DNAJC11: variants seen among roughly 807,000 people sequenced by gnomAD.
The protein encoded by DNAJC11 is DnaJ heat shock protein family (Hsp40) member C11.
In DNAJC11, 15 loss-of-function variants were observed where a neutral mutation model predicts 78.6. That is an observed-to-expected ratio of 0.19 (90% CI 0.13 to 0.29). The LOEUF (loss-of-function observed/expected upper bound fraction) is 0.29, where lower values mean the gene tolerates loss of function less well. Among genes scored for constraint, DNAJC11 ranks in the 10% least tolerant of loss-of-function variants. The pLI, the probability that DNAJC11 is intolerant of heterozygous loss-of-function variation, is 1.00. For synonymous variants in DNAJC11, 292 were observed against 272.1 expected (o/e 1.07, Z -0.72); for missense variants, 547 against 709.6 (o/e 0.77, Z 2.60).
At position 6,643,401 on chromosome 1, in the gene DNAJC11, A is replaced by G. The variant is rs1352311465; in HGVS notation, c.1097+1157T>C. On this transcript the variant is annotated intron_variant, in intron 10 of 15. Coordinates refer to ENST00000377577, the MANE Select transcript of DNAJC11 (RefSeq NM_018198.4). ...CACCATTCTCCTGCCTCAGCCTCCC[A>G]AGTAGCAGAGACTACAGGCGCCCGC... Among the ~76,000 whole-genome samples the G allele has an allele frequency of 4.0e-5, 6 of 150,296 alleles. No homozygotes were observed. The East Asian group carries it at 9.8e-4, about 25-fold the overall frequency.
At chr1:6,672,354 C>T (rs1642393516) in intron 3 of DNAJC11, among the ~76,000 whole-genome samples, 1 of 152,022 alleles carries the variant, frequency 6.6e-6, no homozygotes, top group Non-Finnish European at 1.5e-5. Flanking sequence ...GAAAACAAAG[C>T]CTGGAAAGTG....
At chr1:6,669,787 C>A (rs1642349858) in intron 3 of DNAJC11, among the ~76,000 whole-genome samples, 1 of 151,872 alleles carries the variant, frequency 6.6e-6, no homozygotes, top group African/African-American at 2.4e-5. Context: ...CTTTTTCTAT[C>A]ACGACCAAAG....
In DNAJC11 at chr1:6,699,167, G is replaced by A. The variant is rs142409382; in HGVS notation, c.72+2562C>T. Reference sequence around the variant, plus strand: ...ATACAAAAATTAGCTGGGTATGGTGGCATGTGCCTGTGGTCCTAGCTACTA... The same window carrying A: ...ATACAAAAATTAGCTGGGTATGGTGACATGTGCCTGTGGTCCTAGCTACTA... On this transcript the variant is annotated intron_variant, in intron 1 of 15. Coordinates refer to ENST00000377577, the MANE Select transcript of DNAJC11 (RefSeq NM_018198.4). Among the ~76,000 whole-genome samples, 1,102 of 151,736 alleles carry A rather than the reference G, an allele frequency of 7.3e-3. 18 individuals carry two copies. The highest frequency in any genetic ancestry group is 0.036 in the Admixed American group (554 of 15,210).
intron 1 of DNAJC11, among the ~76,000 whole-genome samples, chr1:6,697,404 G>A (rs931424240): frequency 6.6e-6 from 1 of 152,184 alleles, no homozygotes; most frequent in Non-Finnish European, 1.5e-5. Context: ...GAATGAAACT[G>A]TTCCACCTGG....
chr1:6,652,885 C>G lies in DNAJC11; in HGVS notation c.574G>C (p.Gly192Arg), dbSNP rs1188402871. 6.2e-7 allele frequency: 1 copy of G among 1,614,188 alleles called. No individual in the cohort carries two copies. Among genetic ancestry groups the G allele is most frequent in the Admixed American group, 1.7e-5 (1 of 60,016 alleles). ...CTGAGCGCAAAGTTAATGGAACCTCCTCCATTTCCATTCTGGGTTGAGAGG... is the reference window on the plus strand; with the variant it reads ...CTGAGCGCAAAGTTAATGGAACCTCGTCCATTTCCATTCTGGGTTGAGAGG... ...GSLSTQNGNG[G>R]GSINFALRRV... Residue 192 changes from glycine (G) to arginine (R), a missense_variant, in exon 6 of 16, where the codon GGA becomes CGA. Physicochemically the swap from Gly to Arg is moderately radical, Grantham distance 125. Coordinates refer to ENST00000377577, the MANE Select transcript of DNAJC11 (RefSeq NM_018198.4).
chr1:6,662,792 A>G (rs6671667), intron 4 of DNAJC11, among the ~76,000 whole-genome samples: 55,299 of 151,360 alleles, frequency 0.37, 10,444 homozygotes, highest in African/African-American at 0.43. Flanking sequence ...AGCAGGACAT[A>G]GGCAGGGACA....
intron 4 of DNAJC11, among the ~76,000 whole-genome samples, chr1:6,662,587 T>C (rs545152155): frequency 5.3e-5 from 8 of 152,046 alleles, no homozygotes; most frequent in African/African-American, 1.7e-4. Context: ...CGCTAGAGGG[T>C]TGTAAATGTA....
At position 6,667,829 on chromosome 1, in the gene DNAJC11, T is replaced by C. The variant is rs376027555; in HGVS notation, c.277-19A>G. The C allele has an allele frequency of 1.1e-5, 17 of 1,610,808 alleles. No individual in the cohort carries two copies. The highest frequency in any genetic ancestry group is 6.6e-5 in the South Asian group (6 of 90,996). On this transcript the variant is annotated intron_variant, in intron 3 of 15. Coordinates refer to ENST00000377577, the MANE Select transcript of DNAJC11 (RefSeq NM_018198.4). ...CCACAACCTATGCACAGAATCAAGA[T>C]GGGAAGACAGTTGAGGACCCAGGAG...
chr1:6,638,329 T>G lies in DNAJC11; in HGVS notation c.1289A>C (p.Asp430Ala), dbSNP rs757910644. ...LEKQRESAAT[D>A]VLQKKQEAES... ...CGCCTCTTGCTTCTTCTGCAGCACA[T>G]CGGTGGCGGCGCTTTCCCTCTGCTT... The change falls in exon 12 of 16, where the codon GAT becomes GCT. Residue 430 changes from aspartate (D) to alanine (A), a missense_variant. Asp to Ala is a moderately radical substitution (Grantham distance 126). Transcript: ENST00000377577. The G allele has an allele frequency of 6.2e-6, 10 of 1,613,624 alleles. No homozygotes were observed. The highest frequency in any genetic ancestry group is 8.5e-6 in the Non-Finnish European group (10 of 1,179,720).
intron 1 of DNAJC11, among the ~76,000 whole-genome samples, chr1:6,692,140 A>G (rs111860259): frequency 0.013 from 2,054 of 152,372 alleles, 23 homozygotes; most frequent in South Asian, 0.027. Context: ...GTGTTTTGGT[A>G]GATAATGCAA....
In DNAJC11 at chr1:6,634,498, C is replaced by G. The variant is rs1182550310; in HGVS notation, c.*1177G>C. The G allele has an allele frequency of 7.4e-7, 1 of 1,344,408 alleles. No individual in the cohort carries two copies. Among genetic ancestry groups the G allele is most frequent in the African/African-American group, 1.5e-5 (1 of 67,550 alleles). The allele number at this position is 1,344,408 out of a possible 1,614,324, so 83.3% of individuals were successfully genotyped here. A position where few individuals can be genotyped will look rare whatever the true frequency, so the allele number is the denominator to read the frequency against. On this transcript the variant is annotated 3_prime_UTR_variant, in exon 16 of 16. Coordinates refer to ENST00000377577, the MANE Select transcript of DNAJC11 (RefSeq NM_018198.4). Reference sequence around the variant, plus strand: ...GCTGTGGGTGGGCTGGAGGCCGGCGCAGCTTGGGGCCCCCCGCGCCAGCTG... The same window carrying G: ...GCTGTGGGTGGGCTGGAGGCCGGCGGAGCTTGGGGCCCCCCGCGCCAGCTG...
At chr1:6,667,656 A>C in intron 4 of DNAJC11, 53 bp downstream of exon 4, 2 of 1,453,096 alleles carry the variant, frequency 1.4e-6, no homozygotes, top group Non-Finnish European at 1.9e-6. Flanking sequence ...CCTGGCTTCT[A>C]GTTATGAGGC....
rs1642822095 is a variant in DNAJC11, at chr1:6,695,627, T to TTAAAA, written c.72+6101_72+6102insTTTTA. Among the ~76,000 whole-genome samples, 12 of 83,010 alleles carry TTAAAA rather than the reference T, an allele frequency of 1.4e-4. No homozygotes were observed. The South Asian group carries it at 4.0e-3, about 28-fold the overall frequency. 54.5% of individuals were successfully genotyped at this position (83,010 alleles called of 152,430 possible). ...CAACATAGTGAAACCCTATCTCTAC[T>TTAAAA]AAAAAAAAAAAAAAAAAAAAAAAAA... On this transcript the variant is annotated intron_variant, in intron 1 of 15. Coordinates refer to ENST00000377577, the MANE Select transcript of DNAJC11 (RefSeq NM_018198.4).
chr1:6,650,216 T>C (rs1642033953), intron 7 of DNAJC11, among the ~76,000 whole-genome samples: 2 of 151,796 alleles, frequency 1.3e-5, no homozygotes, highest in African/African-American at 4.8e-5. Context: ...TGAGCCAAGA[T>C]TGCATCACTA....
intron 4 of DNAJC11, among the ~76,000 whole-genome samples, chr1:6,666,492 T>C (rs1642297071): frequency 6.6e-6 from 1 of 151,438 alleles, no homozygotes; most frequent in African/African-American, 2.4e-5. Flanking sequence ...GTTCAAGCTA[T>C]TCTCCTGTCT....
intron 1 of DNAJC11, among the ~76,000 whole-genome samples, chr1:6,698,953 T>A (rs966664654): frequency 3.4e-5 from 5 of 147,606 alleles, no homozygotes; most frequent in African/African-American, 1.2e-4. Flanking sequence ...ATATATATAT[T>A]TATATATAAA....
Position 6,655,088 on chromosome 1 carries a change from C to T in DNAJC11, c.379-1049G>A, listed in dbSNP as rs578237391. Among the ~76,000 whole-genome samples the T allele has an allele frequency of 4.4e-4, 67 of 152,298 alleles. No homozygotes were observed. The South Asian group carries it at 6.6e-3, about 15-fold the overall frequency. Reference sequence around the variant, plus strand: ...CTGAGATTACAGGTGTGAGCCACCGCGCCCAGCTGGTGCTAGCTTTCTATC... The same window carrying T: ...CTGAGATTACAGGTGTGAGCCACCGTGCCCAGCTGGTGCTAGCTTTCTATC... On this transcript the variant is annotated intron_variant, in intron 4 of 15. Coordinates refer to ENST00000377577, the MANE Select transcript of DNAJC11 (RefSeq NM_018198.4).
chr1:6,652,453 G>A (rs902035498), intron 6 of DNAJC11, among the ~76,000 whole-genome samples: 2 of 151,990 alleles, frequency 1.3e-5, no homozygotes, highest in South Asian at 2.1e-4. Flanking sequence ...TTTTTGAGAC[G>A]GAATTTTGCT....
chr1:6,655,842 G>A (rs1279063332), intron 4 of DNAJC11, among the ~76,000 whole-genome samples: 1 of 151,368 alleles, frequency 6.6e-6, no homozygotes, highest in Non-Finnish European at 1.5e-5. Context: ...GGTGGCTCAT[G>A]CCTGTAATCC....
Sources: gnomAD v4.1 joint callset for allele counts (sites outside exome capture counted in the v4.1 genomes callset) on GRCh38, gnomAD v4.1.1 for gene constraint, MANE v1.5 for transcripts, NCBI Gene and HGNC (gene_info 2026-07-23, HGNC 2026-07-21) for gene names.